RAB3C: variants seen among roughly 807,000 people sequenced by gnomAD.
RAB3C encodes RAB3C, member RAS oncogene family.
A neutral mutation model predicts 26.4 loss-of-function variants in RAB3C; 17 were observed. The ratio of observed to expected loss-of-function variants is 0.64; its 90% CI spans 0.44 to 0.97. RAB3C has a LOEUF of 0.97. RAB3C is among the 50% of genes least tolerant of loss of function. The pLI is 0.00. For missense variants in RAB3C, 242 were observed against 281.9 expected (o/e 0.86, Z 1.01); for synonymous variants, 91 against 95.9 (o/e 0.95, Z 0.30).
intron 3 of RAB3C, among the ~76,000 whole-genome samples, chr5:58,810,854 C>T (rs1270307749): frequency 1.3e-5 from 2 of 152,202 alleles, no homozygotes; most frequent in Non-Finnish European, 2.9e-5. Flanking sequence ...GCCTTGGCAT[C>T]CCAAAGTGCT....
chr5:58,648,807 A>C (rs1484056405), intron 2 of RAB3C, among the ~76,000 whole-genome samples: 2 of 152,208 alleles, frequency 1.3e-5, no homozygotes, highest in East Asian at 3.8e-4. Flanking sequence ...TAATGCAATA[A>C]AATTTAATTC....
At chr5:58,602,568 G>A (rs1432135914) in intron 1 of RAB3C, among the ~76,000 whole-genome samples, 3 of 152,158 alleles carry the variant, frequency 2.0e-5, no homozygotes, top group Admixed American at 6.5e-5. Flanking sequence ...TTTTCCTGTT[G>A]GATAAGGCCT....
At chr5:58,590,152 C>T (rs1336439060) in intron 1 of RAB3C, among the ~76,000 whole-genome samples, 3 of 152,256 alleles carry the variant, frequency 2.0e-5, no homozygotes, top group African/African-American at 4.8e-5. Flanking sequence ...TAGCTGCAAT[C>T]GAAAACTAAA....
At chr5:58,837,029 T>A (rs980539281) in intron 4 of RAB3C, among the ~76,000 whole-genome samples, 12 of 152,202 alleles carry the variant, frequency 7.9e-5, no homozygotes, top group Admixed American at 3.9e-4. Context: ...TTTCTCTGCA[T>A]CCTCACCAAC....
intron 1 of RAB3C, among the ~76,000 whole-genome samples, chr5:58,606,780 G>T (rs1298518682): frequency 6.6e-6 from 1 of 152,190 alleles, no homozygotes; most frequent in Non-Finnish European, 1.5e-5. Flanking sequence ...ACACGGTCTG[G>T]AGTAGTGGAC....
intron 2 of RAB3C, among the ~76,000 whole-genome samples, chr5:58,629,221 T>TTAAA (rs1418995861): frequency 7.9e-5 from 12 of 152,098 alleles, no homozygotes; most frequent in African/African-American, 2.9e-4. Context: ...CCATTTGTAT[T>TTAAA]TATTTATTAA....
intron 2 of RAB3C, among the ~76,000 whole-genome samples, chr5:58,716,364 A>G (rs1038012809): frequency 6.6e-6 from 1 of 152,138 alleles, no homozygotes; most frequent in Admixed American, 6.6e-5. Context: ...CAGAAAGCCA[A>G]AGTAAAAAAA....
chr5:58,608,284 G>C (rs1198706529), intron 1 of RAB3C, among the ~76,000 whole-genome samples: 1 of 151,952 alleles, frequency 6.6e-6, no homozygotes, highest in East Asian at 1.9e-4. Flanking sequence ...GGTTGCATCT[G>C]ACAAAGGGCT....
At chr5:58,700,867 A>G (rs1748827111) in intron 2 of RAB3C, among the ~76,000 whole-genome samples, 2 of 152,224 alleles carry the variant, frequency 1.3e-5, no homozygotes, top group African/African-American at 4.8e-5. Context: ...TGAGCCTGGC[A>G]AGAAAAAATG....
intron 2 of RAB3C, among the ~76,000 whole-genome samples, chr5:58,687,807 A>G (rs2111852634): frequency 1.3e-5 from 2 of 152,284 alleles, no homozygotes. Context: ...GCATTTAGAT[A>G]CACTAGTATC....
At chr5:58,802,357 T>A (rs1232031131) in intron 3 of RAB3C, among the ~76,000 whole-genome samples, 1 of 152,196 alleles carries the variant, frequency 6.6e-6, no homozygotes, top group East Asian at 1.9e-4. Flanking sequence ...TCTTTATTGT[T>A]TGTGCATCTG....
chr5:58,582,930 G>A (rs1745930895), upstream of RAB3C: 2 of 758,140 alleles, frequency 2.6e-6, no homozygotes, highest in African/African-American at 1.8e-5. Flanking sequence ...GATCGAGCCT[G>A]TTTAATGGTT....
chr5:58,830,069 T>C (rs1050072256), intron 4 of RAB3C, among the ~76,000 whole-genome samples: 2 of 152,210 alleles, frequency 1.3e-5, no homozygotes, highest in African/African-American at 4.8e-5. Context: ...TGAAGTTCTA[T>C]GAATGGGTAG....
intron 1 of RAB3C, among the ~76,000 whole-genome samples, chr5:58,594,181 A>G (rs1458780052): frequency 2.6e-5 from 4 of 152,334 alleles, no homozygotes; most frequent in Non-Finnish European, 4.4e-5. Flanking sequence ...GCCAACACTG[A>G]TGAATAATTT....
At position 58,597,151 on chromosome 5, in the gene RAB3C, T is replaced by G. The variant is rs868434334; in HGVS notation, c.24+13919T>G. 3.5e-3 allele frequency among the ~76,000 whole-genome samples: 9 copies of G among 2,554 alleles called. 1 individual carries two copies. The highest frequency in any genetic ancestry group is 0.033 in the South Asian group (4 of 120). 1.7% of individuals were successfully genotyped at this position (2,554 alleles called of 152,430 possible). A position where few individuals can be genotyped will look rare whatever the true frequency, so the allele number is the denominator to read the frequency against. On this transcript the variant is annotated intron_variant, in intron 1 of 4. Coordinates refer to ENST00000282878, the MANE Select transcript of RAB3C (RefSeq NM_138453.4). ...ATATAATATAATAATATATACTACA[T>G]AATATATATTATATAATAATATATA...
rs1744112932 is a variant in RAB3C, at chr5:58,851,424, C to A, written c.*73C>A. 1 of 1,226,048 alleles carries A rather than the reference C, an allele frequency of 8.2e-7. No homozygotes were observed. The highest frequency in any genetic ancestry group is 1.1e-6 in the Non-Finnish European group (1 of 881,272). 75.9% of individuals were successfully genotyped at this position (1,226,048 alleles called of 1,614,324 possible). On this transcript the variant is annotated 3_prime_UTR_variant, in exon 5 of 5. Transcript: ENST00000282878. ...ACAGCATTTGTAAATGGTCTATTAG[C>A]CTTCATTTATACTGCCTAACAATTA...
At chr5:58,823,172 C>T (rs150996040) in intron 3 of RAB3C, 57 of 341,202 alleles carry the variant, frequency 1.7e-4, no homozygotes, top group African/African-American at 2.6e-4. Flanking sequence ...TTACAAGAAA[C>T]GGTTCTTTCC....
rs141057108 is a variant in RAB3C, at chr5:58,659,858, C to A, written c.252+41988C>A. ...TGGCTCTATCGCCCAGGCTGGAATG[C>A]AGTGACATGATCTCGGCTCACTGCA... On this transcript the variant is annotated intron_variant, in intron 2 of 4. Transcript: ENST00000282878. Among the ~76,000 whole-genome samples the A allele has an allele frequency of 2.6e-5, 4 of 152,286 alleles. No homozygotes were observed. The East Asian group carries it at 7.7e-4, about 29-fold the overall frequency.
At chr5:58,802,904 G>A (rs1742842060) in intron 3 of RAB3C, among the ~76,000 whole-genome samples, 1 of 152,194 alleles carries the variant, frequency 6.6e-6, no homozygotes, top group African/African-American at 2.4e-5. Context: ...GCTTGCTACT[G>A]AAGTCTTCAC....
Sources: gnomAD v4.1 joint callset for allele counts (sites outside exome capture counted in the v4.1 genomes callset) on GRCh38, gnomAD v4.1.1 for gene constraint, MANE v1.5 for transcripts, NCBI Gene and HGNC (gene_info 2026-07-23, HGNC 2026-07-21) for gene names.